STMN1: variants seen among roughly 807,000 people sequenced by gnomAD.
STMN1 encodes the protein stathmin 1.
Under a neutral mutation model 19.7 loss-of-function variants are expected in STMN1, and 3 were observed. The observed-to-expected ratio is 0.15, with a 90% CI of 0.07 to 0.39. The LOEUF (loss-of-function observed/expected upper bound fraction) is 0.39, where lower values mean the gene tolerates loss of function less well. STMN1 is among the 10% of genes least tolerant of loss of function. STMN1 has a pLI of 1.00. For missense variants in STMN1, 99 were observed against 176.0 expected, an observed-to-expected ratio of 0.56 and a Z score of 2.48; for synonymous variants, 59 against 58.9, an observed-to-expected ratio of 1.00 and a Z score of -0.01.
chr1:25,897,803 A>G (rs552828715), downstream of STMN1, among the ~76,000 whole-genome samples: 2 of 152,264 alleles, frequency 1.3e-5, no homozygotes, highest in East Asian at 1.9e-4. Flanking sequence ...TCACTTCTCT[A>G]TGGTGGAGAA....
chr1:25,893,089 C>G (rs2048790485), intron 4 of STMN1, among the ~76,000 whole-genome samples: 1 of 152,094 alleles, frequency 6.6e-6, no homozygotes. Context: ...TCAAAAATGG[C>G]TAAAATGGTA....
chr1:25,889,102 G>T, intron 4 of STMN1: 1 of 473,920 alleles, frequency 2.1e-6, no homozygotes, highest in East Asian at 5.8e-5. Flanking sequence ...ACCAAGCTGG[G>T]TCTATAAGGA....
chr1:25,898,662 T>C (rs2048841538), downstream of STMN1, among the ~76,000 whole-genome samples: 3 of 152,202 alleles, frequency 2.0e-5, no homozygotes, highest in South Asian at 6.2e-4. Context: ...ACAAGCCTCA[T>C]TTTCCATTCA....
chr1:25,901,117 C>CAAAAAAAA (rs58316569), intron 4 of STMN1, 30 bp from the exon 5 acceptor site: 22 of 1,204,952 alleles, frequency 1.8e-5, no homozygotes, highest in Admixed American at 1.0e-4. Flanking sequence ...TGTCATCAGT[C>CAAAAAAAA]AAAAAAAAAA....
chr1:25,901,617 C>T lies in STMN1; in HGVS notation c.252G>A (p.Gln84=). The T allele has an allele frequency of 6.2e-7, 1 of 1,614,058 alleles. No individual in the cohort carries two copies. Among genetic ancestry groups the T allele is most frequent in the Non-Finnish European group, 8.5e-7 (1 of 1,179,978 alleles). Residue 84 remains glutamine, a synonymous_variant, in exon 4 of 5, where the codon CAG becomes CAA. Coordinates refer to ENST00000455785, the MANE Select transcript of STMN1 (RefSeq NM_005563.4). ...AGTTGTTGTTCTCTTCTATTGCCTT[C>T]TGAAGCACTTCTTTCTCGTGCTCTC... ...EKREHEKEVL[Q]KAIEENNNFS...
chr1:25,901,001 A>G lies in STMN1; in HGVS notation c.*15T>C. On this transcript the variant is annotated 3_prime_UTR_variant, in exon 5 of 5. Coordinates refer to ENST00000455785, the MANE Select transcript of STMN1 (RefSeq NM_005563.4). ...TTAGGAAGGGGATGGGGAGAAAGTC[A>G]GTTCTCAGAACAAATTAGTCAGCTT... The G allele has an allele frequency of 6.2e-7, 1 of 1,612,918 alleles. No individual in the cohort carries two copies. Among genetic ancestry groups the G allele is most frequent in the Middle Eastern group, 1.6e-4 (1 of 6,062 alleles).
In STMN1 at chr1:25,888,941, G is replaced by A. The variant is rs528395871; in HGVS notation, c.379-3072C>T. The A allele has an allele frequency of 4.6e-4, 194 of 418,676 alleles. 4 individuals are homozygous for A. Among genetic ancestry groups the A allele is most frequent in the South Asian group, 3.1e-3 (154 of 49,490 alleles). 25.9% of individuals were successfully genotyped at this position (418,676 alleles called of 1,614,324 possible). ...CCCCTCTCTCCCTTTCTCTGCCATC[G>A]TGGTGTGTGCTTGACTCCGCTTCTT... On this transcript the variant is annotated intron_variant, in intron 4 of 4. Coordinates refer to the STMN1 transcript ENST00000426559.
downstream of STMN1, among the ~76,000 whole-genome samples, chr1:25,896,441 G>A (rs751219759): frequency 2.0e-5 from 3 of 152,162 alleles, no homozygotes; most frequent in African/African-American, 7.2e-5. Flanking sequence ...AGGCCCAGGA[G>A]AGGCTCAGTC....
At chr1:25,903,912 AACT>A (rs1462185404) in intron 2 of STMN1, 99 bp from the exon 3 acceptor site, 3 of 1,266,366 alleles carry the variant, frequency 2.4e-6, no homozygotes, top group Non-Finnish European at 3.2e-6. Context: ...TAATGTATTA[AACT>A]AGGGCTGATG....
At chr1:25,894,842 G>A (rs2048804988) in intron 4 of STMN1, among the ~76,000 whole-genome samples, 1 of 152,158 alleles carries the variant, frequency 6.6e-6, no homozygotes, top group Admixed American at 6.5e-5. Context: ...AAAGTGCTGG[G>A]ATTACAGGTG....
chr1:25,890,792 A>G (rs1209321522), intron 4 of STMN1, among the ~76,000 whole-genome samples: 2 of 152,176 alleles, frequency 1.3e-5, no homozygotes, highest in Non-Finnish European at 2.9e-5. Flanking sequence ...CCAGGGACTG[A>G]GTCAGAGACC....
downstream of STMN1, among the ~76,000 whole-genome samples, chr1:25,898,902 A>C (rs2048844612): frequency 6.6e-6 from 1 of 152,212 alleles, no homozygotes; most frequent in Admixed American, 6.5e-5. Context: ...TCCAAGCCAG[A>C]TGCAAAGAAT....
intron 4 of STMN1, chr1:25,889,115 T>C (rs941053069): frequency 4.3e-6 from 2 of 464,400 alleles, no homozygotes; most frequent in African/African-American, 2.0e-5. Flanking sequence ...TATAAGGAAT[T>C]CCACATGAGA....
At chr1:25,885,118 A>T (rs961778822), downstream of STMN1, 2 of 153,734 alleles carry the variant, frequency 1.3e-5, no homozygotes, top group African/African-American at 4.8e-5. Context: ...TTCTTCTTCC[A>T]GTGTGGTTGT....
Position 25,900,284 on chromosome 1 carries a change from T to A in STMN1, c.*732A>T, listed in dbSNP as rs1001091984. ...TTCTCTAGAAACACGCTTGTGCTTT[T>A]AATCTGCCTTTTAAAAGGGACACAG... is the stretch of plus-strand genomic sequence containing the variant. On this transcript the variant is annotated 3_prime_UTR_variant, in exon 5 of 5. Transcript: ENST00000455785. 1 of 985,790 alleles carries A rather than the reference T, an allele frequency of 1.0e-6. No individual in the cohort carries two copies. The highest frequency in any genetic ancestry group is 1.7e-5 in the African/African-American group (1 of 57,244). The allele number at this position is 985,790 out of a possible 1,614,324, so 61.1% of individuals were successfully genotyped here.
intron 4 of STMN1, among the ~76,000 whole-genome samples, chr1:25,892,809 G>A (rs1022416819): frequency 3.3e-5 from 5 of 152,106 alleles, no homozygotes; most frequent in African/African-American, 1.2e-4. Flanking sequence ...GTGGGAGCCT[G>A]GGCCTCAGCC....
intron 4 of STMN1, 125 bp downstream of exon 4, chr1:25,901,364 AAT>A (rs2048872120): frequency 2.4e-6 from 3 of 1,246,752 alleles, no homozygotes; most frequent in South Asian, 3.0e-5. Flanking sequence ...CCTTTCATTT[AAT>A]ATGTTAAGCC....
chr1:25,885,936 G>A, intron 4 of STMN1: 2 of 1,469,844 alleles, frequency 1.4e-6, no homozygotes, highest in Non-Finnish European at 1.8e-6. Flanking sequence ...AGGTGGAGGG[G>A]CCCTTCATCA....
At chr1:25,892,252 G>C (rs749453576) in intron 4 of STMN1, among the ~76,000 whole-genome samples, 24 of 152,168 alleles carry the variant, frequency 1.6e-4, no homozygotes, top group African/African-American at 5.5e-4. Flanking sequence ...GCTGGGCATG[G>C]TGGTGGGGTG....
Sources: allele counts gnomAD v4.1 joint callset (sites outside exome capture counted in the v4.1 genomes callset), GRCh38; gene constraint gnomAD v4.1.1; transcripts MANE v1.5; gene names NCBI Gene and HGNC (gene_info 2026-07-23, HGNC 2026-07-21).